Variants in GAB2 observed in about 807,000 individuals in gnomAD.
The protein encoded by GAB2 is GRB2 associated binding protein 2.
In GAB2, 26 loss-of-function variants were observed where a neutral mutation model predicts 65.5. The ratio of observed to expected loss-of-function variants is 0.40; its 90% CI spans 0.29 to 0.55. The LOEUF (loss-of-function observed/expected upper bound fraction) is 0.55. Among genes scored for constraint, GAB2 ranks in the 20% least tolerant of loss-of-function variants. The pLI is 0.53. For synonymous variants in GAB2, 321 were observed against 329.6 expected, an observed-to-expected ratio of 0.97 and a Z score of 0.28; for missense variants, 884 against 875.8, an observed-to-expected ratio of 1.01 and a Z score of -0.12.
At position 78,231,317 on chromosome 11, in the gene GAB2, T is replaced by TGC. The variant is rs199527066; in HGVS notation, c.621-4268_621-4267dup. On this transcript the variant is annotated intron_variant, in intron 3 of 9. Transcript: ENST00000361507. ...TGCCACCATACAGTCTCTCCCTTGG[T>TGC]GCGCGCGCGCGCGTGTGTGGTGTGT... Among the ~76,000 whole-genome samples the TGC allele has an allele frequency of 7.2e-3, 1,039 of 143,794 alleles. 12 individuals are homozygous for TGC. The highest frequency in any genetic ancestry group is 0.024 in the African/African-American group (834 of 35,416). 94.3% of individuals were successfully genotyped at this position (143,794 alleles called of 152,430 possible). A position where few individuals can be genotyped will look rare whatever the true frequency, so the allele number is the denominator to read the frequency against.
At chr11:78,293,297 C>A (rs367778304) in intron 1 of GAB2, among the ~76,000 whole-genome samples, 1 of 152,152 alleles carries the variant, frequency 6.6e-6, no homozygotes, top group Non-Finnish European at 1.5e-5. Flanking sequence ...TTTTTTCTTA[C>A]CCCAAGACTA....
At chr11:78,280,058 T>C (rs1010644061) in intron 2 of GAB2, among the ~76,000 whole-genome samples, 5 of 152,202 alleles carry the variant, frequency 3.3e-5, no homozygotes, top group Non-Finnish European at 4.4e-5. Context: ...TTTGTGAAGA[T>C]TATAAAAACC....
intron 3 of GAB2, among the ~76,000 whole-genome samples, chr11:78,249,090 G>A: frequency 6.6e-6 from 1 of 152,154 alleles, no homozygotes; most frequent in Admixed American, 6.5e-5. Context: ...AGATGACTCA[G>A]AAAAACAAAA....
chr11:78,399,765 C>G (rs1017409602), intron 1 of GAB2, among the ~76,000 whole-genome samples: 2 of 152,158 alleles, frequency 1.3e-5, no homozygotes, highest in African/African-American at 4.8e-5. Flanking sequence ...ATGCCACCTC[C>G]CCCAGTACTT....
At chr11:78,247,278 T>G (rs1865324789) in intron 3 of GAB2, among the ~76,000 whole-genome samples, 1 of 152,192 alleles carries the variant, frequency 6.6e-6, no homozygotes, top group Admixed American at 6.5e-5. Context: ...TGTCCAGAGT[T>G]TTTAGTTGTA....
chr11:78,324,522 A>G (rs1855788501), intron 1 of GAB2, among the ~76,000 whole-genome samples: 1 of 152,228 alleles, frequency 6.6e-6, no homozygotes, highest in Non-Finnish European at 1.5e-5. Flanking sequence ...GGAAAAAGAA[A>G]GGTGCTAGAG....
rs750241911 is a variant in GAB2 at position 78,250,359 on chromosome 11, A to G, written c.418T>C (p.Ser140Pro). 1 of 1,613,298 alleles carries G rather than the reference A, an allele frequency of 6.2e-7. No homozygotes were observed. The highest frequency in any genetic ancestry group is 8.5e-7 in the Non-Finnish European group (1 of 1,179,624). The change falls in exon 3 of 10, where the codon TCT becomes CCT. Residue 140 changes from serine (S) to proline (P), a missense_variant. Transcript: ENST00000361507. ...GAGCTGCTGAGCTCAGCTGGAGAAGAGCGGGGGCCATGACCGGCTGAGGAA... is the reference window on the plus strand; with the variant it reads ...GAGCTGCTGAGCTCAGCTGGAGAAGGGCGGGGGCCATGACCGGCTGAGGAA... ...NVSSAGHGPRSSPAELSSSSQ... is the reference protein window; with the variant it reads ...NVSSAGHGPRPSPAELSSSSQ...
intron 1 of GAB2, among the ~76,000 whole-genome samples, chr11:78,286,034 C>T (rs186558872): frequency 2.0e-5 from 3 of 152,250 alleles, no homozygotes; most frequent in African/African-American, 4.8e-5. Flanking sequence ...ATTATGTTTC[C>T]TTCCTCCATC....
chr11:78,219,725 A>G lies in GAB2; in HGVS notation c.1888-310T>C, dbSNP rs530452010. On this transcript the variant is annotated intron_variant, in intron 9 of 9. Transcript: ENST00000361507. ...GGTCCAGGCCTTCATCTCTGCCTCCACCCATCTCTGTCAGGTCGCTCATCC... is the reference window on the plus strand; with the variant it reads ...GGTCCAGGCCTTCATCTCTGCCTCCGCCCATCTCTGTCAGGTCGCTCATCC... 1.1e-4 allele frequency among the ~76,000 whole-genome samples: 16 copies of G among 152,172 alleles called. No homozygotes were observed. The East Asian group carries it at 3.1e-3, about 30-fold the overall frequency.
intron 1 of GAB2, among the ~76,000 whole-genome samples, chr11:78,300,464 A>T (rs1436846383): frequency 2.0e-5 from 3 of 151,498 alleles, no homozygotes; most frequent in African/African-American, 7.3e-5. Context: ...TCCTGGTTAA[A>T]TACCTAGGAG....
intron 1 of GAB2, among the ~76,000 whole-genome samples, chr11:78,387,663 G>T (rs1432877879): frequency 6.6e-6 from 1 of 152,148 alleles, no homozygotes; most frequent in East Asian, 1.9e-4. Flanking sequence ...AATGACAGAA[G>T]GGAATCACAA....
chr11:78,224,708 A>G (rs1864570399), intron 5 of GAB2, among the ~76,000 whole-genome samples: 2 of 152,024 alleles, frequency 1.3e-5, no homozygotes, highest in African/African-American at 4.8e-5. Flanking sequence ...CTCAAGCCAT[A>G]ATTCTGCCAC....
At chr11:78,285,067 G>A (rs191087911) in intron 1 of GAB2, among the ~76,000 whole-genome samples, 7 of 152,234 alleles carry the variant, frequency 4.6e-5, no homozygotes, top group East Asian at 3.9e-4. Flanking sequence ...ATCTTAACCC[G>A]GTCACTGCTT....
chr11:78,394,941 T>G (rs1337368229), intron 1 of GAB2, among the ~76,000 whole-genome samples: 1 of 152,176 alleles, frequency 6.6e-6, no homozygotes, highest in Non-Finnish European at 1.5e-5. Context: ...CAGACAGTGC[T>G]AGACAGGCAA....
chr11:78,368,973 T>C (rs1312456317), intron 1 of GAB2, among the ~76,000 whole-genome samples: 1 of 151,688 alleles, frequency 6.6e-6, no homozygotes, highest in Non-Finnish European at 1.5e-5. Flanking sequence ...TAAATTTACT[T>C]ATTAAATAAA....
intron 1 of GAB2, among the ~76,000 whole-genome samples, chr11:78,397,330 T>C (rs1268722435): frequency 6.6e-6 from 1 of 152,226 alleles, no homozygotes; most frequent in Non-Finnish European, 1.5e-5. Flanking sequence ...ACCAATAACT[T>C]ACTGTGCTTT....
chr11:78,385,886 A>C (rs1348833569), intron 1 of GAB2, among the ~76,000 whole-genome samples: 1 of 152,248 alleles, frequency 6.6e-6, no homozygotes, highest in East Asian at 1.9e-4. Context: ...TGTCTTATTC[A>C]GCATTGCATC....
chr11:78,244,318 G>A (rs182407405), intron 3 of GAB2, among the ~76,000 whole-genome samples: 1 of 152,090 alleles, frequency 6.6e-6, no homozygotes, highest in Non-Finnish European at 1.5e-5. Context: ...TTTGACCCTG[G>A]GAGGCAGAAG....
intron 6 of GAB2, 56 bp downstream of exon 6, chr11:78,223,356 T>C: frequency 1.4e-6 from 2 of 1,408,974 alleles, no homozygotes; most frequent in Non-Finnish European, 9.4e-7. Flanking sequence ...CCTAAGCAAA[T>C]GGAAAGAGTC....
Sources: gnomAD v4.1 joint callset for allele counts (sites outside exome capture counted in the v4.1 genomes callset) on GRCh38, gnomAD v4.1.1 for gene constraint, MANE v1.5 for transcripts, NCBI Gene and HGNC (gene_info 2026-07-23, HGNC 2026-07-21) for gene names.